Variants in DAB2IP observed in about 807,000 individuals in gnomAD.
DAB2IP encodes disabled homolog 2-interacting protein.
In DAB2IP, 28 loss-of-function variants were observed where a neutral mutation model predicts 107.2. The observed-to-expected ratio is 0.26, with a 90% confidence interval of 0.19 to 0.36. The LOEUF is 0.36. Among genes scored for constraint, DAB2IP ranks in the 10% least tolerant of loss-of-function variants. DAB2IP has a pLI of 1.00. For synonymous variants in DAB2IP, 755 were observed against 706.4 expected (o/e 1.07, Z -1.09); for missense variants, 1,400 against 1,644.7 (o/e 0.85, Z 2.57).
chr9:121,578,479 C>G (rs1830115450), intron 1 of DAB2IP, among the ~76,000 whole-genome samples: 2 of 151,962 alleles, frequency 1.3e-5, no homozygotes, highest in African/African-American at 4.8e-5. Context: ...GAGGCTCGAG[C>G]CCCCGACAGC....
At chr9:121,590,435 G>C (rs895024725) in intron 1 of DAB2IP, among the ~76,000 whole-genome samples, 1 of 151,860 alleles carries the variant, frequency 6.6e-6, no homozygotes, top group Admixed American at 6.6e-5. Context: ...CTGTGAAAAG[G>C]GTGTTGTGGT....
intron 1 of DAB2IP, among the ~76,000 whole-genome samples, chr9:121,677,632 A>T (rs1341063855): frequency 6.6e-6 from 1 of 152,118 alleles, no homozygotes; most frequent in Non-Finnish European, 1.5e-5. Flanking sequence ...AGCCCACTAC[A>T]TTACAAGGAG....
At chr9:121,567,968 G>T (rs1190686444) in intron 1 of DAB2IP, among the ~76,000 whole-genome samples, 1 of 152,062 alleles carries the variant, frequency 6.6e-6, no homozygotes, top group Non-Finnish European at 1.5e-5. Context: ...AGGGACGCAA[G>T]AGTGCAAGAG....
chr9:121,661,063 C>T (rs73552166), intron 1 of DAB2IP, among the ~76,000 whole-genome samples: 3 of 151,690 alleles, frequency 2.0e-5, no homozygotes, highest in Admixed American at 6.6e-5. Context: ...CGTGAAGAAG[C>T]GGGAGGATGA....
intron 3 of DAB2IP, among the ~76,000 whole-genome samples, chr9:121,704,364 T>A (rs1329408830): frequency 6.6e-6 from 1 of 152,224 alleles, no homozygotes; most frequent in Non-Finnish European, 1.5e-5. Flanking sequence ...CTTTATCGTT[T>A]GGATAGGCAG....
intron 1 of DAB2IP, among the ~76,000 whole-genome samples, chr9:121,569,657 T>C (rs1416166223): frequency 6.6e-6 from 1 of 152,040 alleles, no homozygotes; most frequent in Non-Finnish European, 1.5e-5. Flanking sequence ...CCATCTCTAC[T>C]AAAAACACAA....
At chr9:121,622,146 G>A (rs113498639) in intron 1 of DAB2IP, among the ~76,000 whole-genome samples, 12 of 151,608 alleles carry the variant, frequency 7.9e-5, no homozygotes, top group African/African-American at 1.2e-4. Flanking sequence ...GTGCCACCAC[G>A]CTCGGCTAAT....
At chr9:121,642,477 G>A (rs1387600948) in intron 1 of DAB2IP, among the ~76,000 whole-genome samples, 2 of 144,654 alleles carry the variant, frequency 1.4e-5, no homozygotes, top group Non-Finnish European at 3.0e-5. Context: ...CACCACACCT[G>A]GCTTTTTTTT....
intron 3 of DAB2IP, among the ~76,000 whole-genome samples, chr9:121,732,231 G>A (rs1831586526): frequency 1.3e-5 from 2 of 152,204 alleles, no homozygotes; most frequent in African/African-American, 4.8e-5. Context: ...GAAAAATGCT[G>A]ACCATGTCTC....
intron 3 of DAB2IP, chr9:121,753,128 C>T (rs1407910429): frequency 6.6e-6 from 1 of 152,306 alleles, no homozygotes; most frequent in Non-Finnish European, 1.5e-5. Flanking sequence ...CAGCTCCACC[C>T]TGGTGGGAGG....
intron 3 of DAB2IP, among the ~76,000 whole-genome samples, chr9:121,741,159 G>A (rs527699549): frequency 3.3e-5 from 5 of 152,162 alleles, no homozygotes; most frequent in Admixed American, 1.3e-4. Flanking sequence ...CGCACCAGAT[G>A]CATTCGGCTC....
chr9:121,763,398 T>A, intron 6 of DAB2IP, 107 bp from the exon 7 acceptor site: 1 of 1,455,372 alleles, frequency 6.9e-7, no homozygotes. Flanking sequence ...AGCTTGGTGA[T>A]GGAACAGCCT....
chr9:121,738,871 G>A (rs1274726532), intron 3 of DAB2IP, among the ~76,000 whole-genome samples: 5 of 152,304 alleles, frequency 3.3e-5, no homozygotes, highest in Middle Eastern at 3.4e-3. Context: ...AATACAACAC[G>A]TAGAGCTTGG....
chr9:121,682,185 C>T (rs1828634453), intron 2 of DAB2IP, among the ~76,000 whole-genome samples: 1 of 152,198 alleles, frequency 6.6e-6, no homozygotes, highest in Admixed American at 6.5e-5. Flanking sequence ...CACTTACAGG[C>T]TCCCAAAAGC....
At chr9:121,738,307 C>G (rs1010203833) in intron 3 of DAB2IP, among the ~76,000 whole-genome samples, 1 of 152,204 alleles carries the variant, frequency 6.6e-6, no homozygotes, top group Non-Finnish European at 1.5e-5. Flanking sequence ...AGCCCTGCCT[C>G]TCTGAGACAG....
intron 3 of DAB2IP, among the ~76,000 whole-genome samples, chr9:121,739,961 T>C (rs1283079525): frequency 6.6e-6 from 1 of 152,134 alleles, no homozygotes; most frequent in Non-Finnish European, 1.5e-5. Context: ...GTGGCCTGGG[T>C]TCACGGGGTA....
chr9:121,705,854 C>T (rs984372934), intron 3 of DAB2IP, among the ~76,000 whole-genome samples: 1 of 152,192 alleles, frequency 6.6e-6, no homozygotes, highest in African/African-American at 2.4e-5. Context: ...TGCAAATCGA[C>T]TCTTTAATGG....
rs541307486 is a variant in DAB2IP, at chr9:121,667,399, A to G, written c.125-11279A>G. On this transcript the variant is annotated intron_variant, in intron 1 of 15. Coordinates refer to ENST00000408936, the Ensembl canonical transcript of DAB2IP. Reference sequence around the variant, plus strand: ...GCCCCTCCCTCGGGGAGCACTAGCCAGTTCACTTTCCACGTGGGAGCTATG... The same window carrying G: ...GCCCCTCCCTCGGGGAGCACTAGCCGGTTCACTTTCCACGTGGGAGCTATG... 3.9e-5 allele frequency among the ~76,000 whole-genome samples: 6 copies of G among 152,254 alleles called. No homozygotes were observed. The South Asian group carries it at 1.2e-3, about 32-fold the overall frequency.
chr9:121,628,014 C>G (rs1831727032), intron 1 of DAB2IP, among the ~76,000 whole-genome samples: 1 of 152,192 alleles, frequency 6.6e-6, no homozygotes, highest in Non-Finnish European at 1.5e-5. Context: ...ATCCCTCTGT[C>G]TGCAGGAAGC....
Sources: allele counts gnomAD v4.1 joint callset (sites outside exome capture counted in the v4.1 genomes callset), GRCh38; gene constraint gnomAD v4.1.1; transcripts MANE v1.5; gene names NCBI Gene and HGNC (gene_info 2026-07-23, HGNC 2026-07-21).